The following LIMD1 variants were observed in gnomAD, a reference collection of about 807,000 sequenced individuals.
The protein encoded by LIMD1 is LIM domain containing 1.
LIMD1 carries 23 observed loss-of-function variants against 58.4 expected under a neutral mutation model. The ratio of observed to expected loss-of-function variants is 0.39; its 90% confidence interval spans 0.28 to 0.56. The LOEUF (loss-of-function observed/expected upper bound fraction) is 0.56, where lower values mean the gene tolerates loss of function less well. LIMD1 is among the 20% of genes least tolerant of loss of function. The pLI is 0.57. For synonymous variants in LIMD1, 334 were observed against 345.5 expected, an observed-to-expected ratio of 0.97 and a Z score of 0.37; for missense variants, 838 against 855.5, an observed-to-expected ratio of 0.98 and a Z score of 0.25.
chr3:45,612,984 C>T (rs1701540883), intron 1 of LIMD1: 1 of 152,202 alleles, frequency 6.6e-6, no homozygotes, highest in Admixed American at 6.5e-5. Flanking sequence ...TGTTTCAGGT[C>T]ATGCAGTAAA....
intron 2 of LIMD1, among the ~76,000 whole-genome samples, chr3:45,651,399 G>T (rs9846540): frequency 6.6e-6 from 1 of 151,976 alleles, no homozygotes; most frequent in Non-Finnish European, 1.5e-5. Context: ...TAGTTATGAA[G>T]TCCTTGCCTG....
At chr3:45,623,561 G>A (rs564372198) in intron 1 of LIMD1, among the ~76,000 whole-genome samples, 45 of 152,298 alleles carry the variant, frequency 3.0e-4, no homozygotes, top group South Asian at 2.1e-4. Flanking sequence ...TAAGGCCATC[G>A]TTGGTTTTGA....
rs1198898053 is a variant in LIMD1 at position 45,677,105 on chromosome 3, TTGC to T, written c.*57_*59del. On this transcript the variant is annotated 3_prime_UTR_variant, in exon 8 of 8. Transcript: ENST00000273317. ...CACGGCAGGGGATGAGGAGCCGGGG[TTGC>T]TGCTGCTGCTTCCGGTGGCCCCTGG... is the stretch of plus-strand genomic sequence containing the variant. 5 of 1,595,316 alleles carry T rather than the reference TTGC, an allele frequency of 3.1e-6. No homozygotes were observed. The highest frequency in any genetic ancestry group is 4.3e-6 in the Non-Finnish European group (5 of 1,170,078).
At chr3:45,642,316 C>T (rs764751346) in intron 2 of LIMD1, among the ~76,000 whole-genome samples, 55 of 151,996 alleles carry the variant, frequency 3.6e-4, no homozygotes, top group Non-Finnish European at 7.4e-4. Flanking sequence ...GCTGGGATTA[C>T]AGACATGCAC....
chr3:45,638,104 C>T (rs1267620914), intron 2 of LIMD1, among the ~76,000 whole-genome samples: 1 of 152,122 alleles, frequency 6.6e-6, no homozygotes, highest in Non-Finnish European at 1.5e-5. Context: ...GGAGATTGAC[C>T]AGTTTTGCAA....
chr3:45,606,423 A>G (rs1479825505), intron 1 of LIMD1, among the ~76,000 whole-genome samples: 4 of 152,210 alleles, frequency 2.6e-5, no homozygotes, highest in African/African-American at 9.6e-5. Context: ...CAGGAGCAGC[A>G]AAGAAGGCAG....
rs952576303 is a variant in LIMD1 at position 45,679,589 on chromosome 3, A to G, written c.*2530A>G. 1 of 152,198 alleles carries G rather than the reference A, an allele frequency of 6.6e-6. No homozygotes were observed. The highest frequency in any genetic ancestry group is 2.4e-5 in the African/African-American group (1 of 41,438). The allele number at this position is 152,198 out of a possible 1,614,324, so 9.4% of individuals were successfully genotyped here. A position where few individuals can be genotyped will look rare whatever the true frequency, so the allele number is the denominator to read the frequency against. On this transcript the variant is annotated 3_prime_UTR_variant, in exon 8 of 8. Transcript: ENST00000273317. ...GGGTTTTCTTTTTGACAATTCTTGG[A>G]CTTGAGGTAAAACAAGGAGGATTGT... is the stretch of plus-strand genomic sequence containing the variant.
At chr3:45,649,061 A>G (rs964645752) in intron 2 of LIMD1, among the ~76,000 whole-genome samples, 7 of 152,114 alleles carry the variant, frequency 4.6e-5, no homozygotes, top group Admixed American at 3.3e-4. Flanking sequence ...GAATTTATCT[A>G]CTTTTTTTCT....
At chr3:45,646,194 G>A (rs1406683732) in intron 2 of LIMD1, among the ~76,000 whole-genome samples, 2 of 152,218 alleles carry the variant, frequency 1.3e-5, no homozygotes. Context: ...CCCAGCTGGT[G>A]AGTGGGGAAG....
At chr3:45,660,951 A>C (rs1697429027) in intron 2 of LIMD1, among the ~76,000 whole-genome samples, 1 of 152,202 alleles carries the variant, frequency 6.6e-6, no homozygotes, top group Non-Finnish European at 1.5e-5. Context: ...ATGATCCCTG[A>C]GATCACCCAG....
chr3:45,666,350 G>T (rs973057147), intron 3 of LIMD1, among the ~76,000 whole-genome samples: 2 of 152,118 alleles, frequency 1.3e-5, no homozygotes, highest in Admixed American at 1.3e-4. Flanking sequence ...CATACCTCCG[G>T]CATGGCTCAG....
chr3:45,642,022 A>G (rs994769061), intron 2 of LIMD1, among the ~76,000 whole-genome samples: 1 of 152,188 alleles, frequency 6.6e-6, no homozygotes, highest in Non-Finnish European at 1.5e-5. Context: ...GGAAGCCTAC[A>G]AGGTGTTCCA....
At chr3:45,606,790 G>A (rs1208318017) in intron 1 of LIMD1, among the ~76,000 whole-genome samples, 1 of 152,090 alleles carries the variant, frequency 6.6e-6, no homozygotes, top group South Asian at 2.1e-4. Context: ...ACCAAATTTT[G>A]TTTTGTTTTG....
intron 1 of LIMD1, among the ~76,000 whole-genome samples, chr3:45,608,056 C>T (rs1318917764): frequency 6.6e-6 from 1 of 152,252 alleles, no homozygotes; most frequent in East Asian, 1.9e-4. Context: ...TTGGGGGCAG[C>T]TCAGCTGCTG....
chr3:45,632,689 T>C (rs1701747250), intron 1 of LIMD1: 1 of 275,230 alleles, frequency 3.6e-6, no homozygotes, highest in Non-Finnish European at 5.5e-6. Context: ...TGCAATTCAC[T>C]AGGAGAGGCA....
intron 2 of LIMD1, among the ~76,000 whole-genome samples, chr3:45,641,962 G>T (rs1017584466): frequency 3.9e-5 from 6 of 152,178 alleles, no homozygotes; most frequent in Non-Finnish European, 8.8e-5. Context: ...ACAGGCTCCT[G>T]GGGGAATAGG....
chr3:45,632,789 C>T (rs1033007693), intron 1 of LIMD1, among the ~76,000 whole-genome samples: 3 of 152,170 alleles, frequency 2.0e-5, no homozygotes, highest in Admixed American at 6.5e-5. Flanking sequence ...ACATTTGCCC[C>T]GTCCCAAATA....
At chr3:45,670,974 C>T (rs758503752) in intron 4 of LIMD1, among the ~76,000 whole-genome samples, 5 of 152,206 alleles carry the variant, frequency 3.3e-5, no homozygotes, top group East Asian at 1.9e-4. Flanking sequence ...TACAGCTAGT[C>T]ACAATGCAGC....
intron 7 of LIMD1, 65 bp downstream of exon 7, chr3:45,674,476 T>C (rs1697640729): frequency 4.0e-6 from 5 of 1,242,084 alleles, no homozygotes; most frequent in Non-Finnish European, 5.8e-6. Context: ...GCATCCTGCG[T>C]TGACTGGGGC....
Sources: gnomAD v4.1 joint callset for allele counts (sites outside exome capture counted in the v4.1 genomes callset) on GRCh38, gnomAD v4.1.1 for gene constraint, MANE v1.5 for transcripts, NCBI Gene and HGNC (gene_info 2026-07-23, HGNC 2026-07-21) for gene names.